Variants in FHIT observed in about 807,000 individuals in gnomAD.
The protein encoded by FHIT is bis(5'-adenosyl)-triphosphatase.
FHIT carries 19 observed loss-of-function variants against 17.9 expected under a neutral mutation model. The ratio of observed to expected loss-of-function variants is 1.06; its 90% CI spans 0.74 to 1.56. FHIT has a LOEUF of 1.56. Among genes scored for constraint, FHIT ranks in the 40% most tolerant of loss-of-function variants. The probability of loss-of-function intolerance (pLI) is 0.00; values close to 1 mark genes in which losing one functional copy is unlikely to be tolerated. For missense variants in FHIT, 248 were observed against 189.2 expected (o/e 1.31, Z -1.82); for synonymous variants, 81 against 69.7 (o/e 1.16, Z -0.81).
chr3:60,154,286 C>T (rs1179667269), intron 5 of FHIT, among the ~76,000 whole-genome samples: 2 of 152,196 alleles, frequency 1.3e-5, no homozygotes, highest in Non-Finnish European at 2.9e-5. Flanking sequence ...TTGACCTACA[C>T]ATGCTTCAAT....
At position 61,007,290 on chromosome 3, in the gene FHIT, C is replaced by T. The variant is rs139486175; in HGVS notation, c.-111+34757G>A. On this transcript the variant is annotated intron_variant, in intron 3 of 9. Coordinates refer to ENST00000492590, the MANE Select transcript of FHIT (RefSeq NM_002012.4). ...GAACAAGAGGCTGTATTTTGTAGCC[C>T]CCAGACACTCTGCATAACTTACTCC... 7.5e-3 allele frequency among the ~76,000 whole-genome samples: 1,136 copies of T among 152,266 alleles called. 11 individuals carry two copies. Among genetic ancestry groups the T allele is most frequent in the Non-Finnish European group, 0.011 (761 of 68,024 alleles).
At chr3:59,852,207 T>C (rs1701969223) in intron 8 of FHIT, among the ~76,000 whole-genome samples, 1 of 152,148 alleles carries the variant, frequency 6.6e-6, no homozygotes, top group Admixed American at 6.6e-5. Context: ...TTTTAAACTC[T>C]TGGGTGGTGC....
chr3:60,247,591 T>C (rs1264713186), intron 5 of FHIT, among the ~76,000 whole-genome samples: 1 of 152,150 alleles, frequency 6.6e-6, no homozygotes, highest in Admixed American at 6.5e-5. Context: ...ATCTTAAAGT[T>C]CATAATAATC....
At chr3:60,430,517 T>C (rs1391030107) in intron 5 of FHIT, among the ~76,000 whole-genome samples, 1 of 152,116 alleles carries the variant, frequency 6.6e-6, no homozygotes, top group Non-Finnish European at 1.5e-5. Flanking sequence ...TATTTTTTTT[T>C]CTGCCATAAA....
At chr3:60,321,512 T>G (rs1357486951) in intron 5 of FHIT, among the ~76,000 whole-genome samples, 1 of 152,002 alleles carries the variant, frequency 6.6e-6, no homozygotes, top group Non-Finnish European at 1.5e-5. Context: ...ACCTAAAAGG[T>G]TATCTTCACT....
At chr3:60,924,187 G>A (rs967558697) in intron 3 of FHIT, among the ~76,000 whole-genome samples, 11 of 152,218 alleles carry the variant, frequency 7.2e-5, no homozygotes, top group African/African-American at 1.7e-4. Flanking sequence ...AAATGTCCCT[G>A]TCTGACAGCT....
intron 5 of FHIT, among the ~76,000 whole-genome samples, chr3:60,345,365 G>T (rs1462953406): frequency 1.3e-5 from 2 of 152,102 alleles, no homozygotes; most frequent in Admixed American, 6.6e-5. Context: ...TTACTGTCAA[G>T]GAATCTCATA....
At chr3:60,060,661 A>T (rs138063843) in intron 5 of FHIT, among the ~76,000 whole-genome samples, 4 of 152,216 alleles carry the variant, frequency 2.6e-5, no homozygotes, top group Non-Finnish European at 5.9e-5. Flanking sequence ...ATTTGCAATT[A>T]TAAGAACTCA....
chr3:60,003,144 A>G (rs561537002), intron 7 of FHIT, among the ~76,000 whole-genome samples: 1 of 152,272 alleles, frequency 6.6e-6, no homozygotes, highest in South Asian at 2.1e-4. Flanking sequence ...ACATTACCCA[A>G]TTTAAAAATA....
At chr3:60,527,447 C>T (rs1249958223) in intron 5 of FHIT, among the ~76,000 whole-genome samples, 1 of 152,198 alleles carries the variant, frequency 6.6e-6, no homozygotes, top group East Asian at 1.9e-4. Flanking sequence ...TTGATAACTT[C>T]AGGCATTTCA....
At chr3:60,169,780 G>T (rs1284217717) in intron 5 of FHIT, among the ~76,000 whole-genome samples, 1 of 152,122 alleles carries the variant, frequency 6.6e-6, no homozygotes, top group East Asian at 1.9e-4. Flanking sequence ...AGAAGAACTT[G>T]GATCTCCGAG....
At chr3:61,012,324 A>G (rs2107625647) in intron 3 of FHIT, among the ~76,000 whole-genome samples, 1 of 152,260 alleles carries the variant, frequency 6.6e-6, no homozygotes, top group African/African-American at 2.4e-5. Context: ...CTGAGCAACA[A>G]ATTCTTTTTC....
At chr3:60,738,925 T>C (rs907898163) in intron 4 of FHIT, among the ~76,000 whole-genome samples, 1 of 151,958 alleles carries the variant, frequency 6.6e-6, no homozygotes, top group Non-Finnish European at 1.5e-5. Context: ...CCTGTACCCA[T>C]ATAAATCCCG....
At chr3:60,384,766 A>C (rs1700941321) in intron 5 of FHIT, among the ~76,000 whole-genome samples, 1 of 152,030 alleles carries the variant, frequency 6.6e-6, no homozygotes, top group African/African-American at 2.4e-5. Context: ...TCTTCAACAG[A>C]TACACTACAA....
At chr3:60,014,490 A>G (rs13088717) in intron 5 of FHIT, among the ~76,000 whole-genome samples, 6,895 of 152,312 alleles carry the variant, frequency 0.045, 240 homozygotes, top group African/African-American at 0.098. Context: ...CCCCTATTCT[A>G]AAGCTGTGTC....
intron 8 of FHIT, among the ~76,000 whole-genome samples, chr3:59,875,957 G>GA (rs5849307): frequency 5.5e-5 from 8 of 145,330 alleles, no homozygotes; most frequent in Non-Finnish European, 1.1e-4. Context: ...AAAAAAAAAA[G>GA]AAAAAAAAAA....
intron 5 of FHIT, among the ~76,000 whole-genome samples, chr3:60,062,171 T>C (rs1049773501): frequency 6.6e-5 from 10 of 152,114 alleles, no homozygotes; most frequent in East Asian, 1.9e-4. Flanking sequence ...TCAATAAGCA[T>C]TGATTGAGTA....
intron 5 of FHIT, among the ~76,000 whole-genome samples, chr3:60,268,484 T>A (rs1472453482): frequency 6.6e-6 from 1 of 152,220 alleles, no homozygotes; most frequent in Non-Finnish European, 1.5e-5. Flanking sequence ...CTAGGCAACA[T>A]GACTTGGGAC....
At chr3:60,543,694 G>C (rs1487218561) in intron 4 of FHIT, among the ~76,000 whole-genome samples, 1 of 152,010 alleles carries the variant, frequency 6.6e-6, no homozygotes, top group African/African-American at 2.4e-5. Flanking sequence ...TGGCAATCTA[G>C]CTGAACTCTT....
Sources: allele counts gnomAD v4.1 joint callset (sites outside exome capture counted in the v4.1 genomes callset), GRCh38; gene constraint gnomAD v4.1.1; transcripts MANE v1.5; gene names NCBI Gene and HGNC (gene_info 2026-07-23, HGNC 2026-07-21).